The following ZNF540 variants were observed in gnomAD, a reference collection of about 807,000 sequenced individuals.
ZNF540 encodes the protein CTD-3064H18.6.
A neutral mutation model predicts 11.8 loss-of-function variants in ZNF540; 3 were observed. The ratio of observed to expected loss-of-function variants is 0.25; its 90% CI spans 0.12 to 0.65. ZNF540 has a LOEUF of 0.65. Among genes scored for constraint, ZNF540 ranks in the 30% least tolerant of loss-of-function variants. ZNF540 has a pLI of 0.83. For missense variants in ZNF540, 709 were observed against 793.1 expected (o/e 0.89, Z 1.27); for synonymous variants, 247 against 259.0 (o/e 0.95, Z 0.45).
rs374512088 is a variant in ZNF540 at position 37,612,716 on chromosome 19, G to A, written c.1436G>A (p.Arg479His). ...CKECGKTFRV[R>H]SQISLHKKIH... ...GAATGTGGGAAGACCTTTCGAGTTC[G>A]TTCTCAAATTAGTCTACATAAGAAA... Residue 479 changes from arginine to histidine, a missense_variant, in exon 5 of 5, where the codon CGT becomes CAT. By Grantham distance (29) the Arg-to-His change is conservative. Coordinates refer to ENST00000316433, the MANE Select transcript of ZNF540 (RefSeq NM_001172225.3). 26 of 1,613,950 alleles carry A rather than the reference G, an allele frequency of 1.6e-5. No homozygotes were observed. In the African/African-American group the frequency reaches 2.4e-4, roughly 15 times the overall value.
intron 1 of ZNF540, among the ~76,000 whole-genome samples, chr19:37,596,128 T>C (rs1315385503): frequency 6.6e-6 from 1 of 152,222 alleles, no homozygotes; most frequent in Non-Finnish European, 1.5e-5. Flanking sequence ...ACCAGGATGT[T>C]GACATTGATA....
At chr19:37,581,696 C>CA (rs1014195881) in intron 1 of ZNF540, among the ~76,000 whole-genome samples, 5 of 151,738 alleles carry the variant, frequency 3.3e-5, no homozygotes, top group African/African-American at 1.2e-4. Flanking sequence ...TTCCTGGGCT[C>CA]AAGCAATTCA....
chr19:37,583,843 T>C, intron 1 of ZNF540: 1 of 897,216 alleles, frequency 1.1e-6, no homozygotes, highest in East Asian at 2.5e-5. Context: ...AGGTACACGG[T>C]GGAGCTGTCC....
At chr19:37,568,743 A>G (rs1379159036) in intron 1 of ZNF540, among the ~76,000 whole-genome samples, 1 of 152,198 alleles carries the variant, frequency 6.6e-6, no homozygotes, top group African/African-American at 2.4e-5. Flanking sequence ...TTTTATTGTC[A>G]TTAAATTAAT....
intron 1 of ZNF540, among the ~76,000 whole-genome samples, chr19:37,554,322 C>G (rs998260257): frequency 1.3e-5 from 2 of 152,184 alleles, no homozygotes; most frequent in African/African-American, 4.8e-5. Flanking sequence ...AACACAATTT[C>G]TTTTTTCCCT....
chr19:37,612,785 A>G lies in ZNF540; in HGVS notation c.1505A>G (p.Lys502Arg), dbSNP rs1191454791. 1 of 1,614,102 alleles carries G rather than the reference A, an allele frequency of 6.2e-7. No individual in the cohort carries two copies. Among genetic ancestry groups the G allele is most frequent in the East Asian group, 2.2e-5 (1 of 44,874 alleles). ...CCCTACAAATGTGTACGATGTGGGA[A>G]GACCTTTAGATTTGGTTTCTACCTT... ...VKPYKCVRCGKTFRFGFYLTE... is the reference protein window; with the variant it reads ...VKPYKCVRCGRTFRFGFYLTE... The change falls in exon 5 of 5, where the codon AAG becomes AGG. Residue 502 changes from lysine (K) to arginine (R), a missense_variant. By Grantham distance (26) the Lys-to-Arg change is conservative (BLOSUM62 2). Coordinates refer to ENST00000316433, the MANE Select transcript of ZNF540 (RefSeq NM_001172225.3).
At chr19:37,593,157 T>A (rs1468161747), upstream of ZNF540, among the ~76,000 whole-genome samples, 1 of 152,148 alleles carries the variant, frequency 6.6e-6, no homozygotes, top group Non-Finnish European at 1.5e-5. Flanking sequence ...AACAGCATCA[T>A]GGTTATTTTA....
At chr19:37,551,644 T>C (rs532978743) in exon 1 of ZNF540, 13 of 152,478 alleles carry the variant, frequency 8.5e-5, no homozygotes, top group Admixed American at 2.0e-4. Context: ...TCCTTGAACG[T>C]TGTCCCGCCT....
intron 1 of ZNF540, chr19:37,564,775 A>T (rs776398246): frequency 3.1e-6 from 5 of 1,613,914 alleles, no homozygotes; most frequent in Non-Finnish European, 4.2e-6. Context: ...CTCCAGTATG[A>T]GTTCTCAGAT....
intron 1 of ZNF540, chr19:37,564,042 G>A (rs2042764951): frequency 1.3e-5 from 2 of 152,094 alleles, no homozygotes. Context: ...GTTTCTTCCT[G>A]GTGTGGATTA....
rs1274431739 is a variant in ZNF540, at chr19:37,577,037, A to G, written c.-72-21339A>G. Among the ~76,000 whole-genome samples, 2 of 152,206 alleles carry G rather than the reference A, an allele frequency of 1.3e-5. 1 individual carries two copies. Among genetic ancestry groups the G allele is most frequent in the African/African-American group, 4.8e-5 (2 of 41,456 alleles). ...AAGTATTTACATAAAACGTTAGGTC[A>G]TGGTGCAGCTTATAAAACAGAAATA... On this transcript the variant is annotated intron_variant, in intron 1 of 4. Transcript: ENST00000592533.
At chr19:37,557,887 G>A (rs930487289) in intron 1 of ZNF540, among the ~76,000 whole-genome samples, 3 of 151,318 alleles carry the variant, frequency 2.0e-5, no homozygotes, top group Admixed American at 6.6e-5. Context: ...TTGCTGTAGC[G>A]GCTACTGCTT....
At chr19:37,607,882 C>A (rs1381423858) in intron 4 of ZNF540, among the ~76,000 whole-genome samples, 2 of 152,202 alleles carry the variant, frequency 1.3e-5, no homozygotes, top group African/African-American at 2.4e-5. Flanking sequence ...AGGAAACTGA[C>A]AAAATGTTCT....
chr19:37,608,853 C>A (rs2044105029), intron 4 of ZNF540, among the ~76,000 whole-genome samples: 1 of 152,110 alleles, frequency 6.6e-6, no homozygotes, highest in Non-Finnish European at 1.5e-5. Context: ...GATCTATCTA[C>A]TTGAGAAAAT....
chr19:37,557,061 T>C (rs911713626), intron 1 of ZNF540, among the ~76,000 whole-genome samples: 1 of 152,172 alleles, frequency 6.6e-6, no homozygotes. Context: ...GAGTAAAAAC[T>C]TAACTACCAA....
At chr19:37,578,803 G>A (rs2043340242) in intron 1 of ZNF540, among the ~76,000 whole-genome samples, 1 of 152,048 alleles carries the variant, frequency 6.6e-6, no homozygotes, top group Admixed American at 6.5e-5. Context: ...CGCAGCAACC[G>A]CACCTCTGCA....
At chr19:37,602,652 AGAAG>A (rs2044048710) in intron 4 of ZNF540, among the ~76,000 whole-genome samples, 1 of 152,180 alleles carries the variant, frequency 6.6e-6, no homozygotes, top group Non-Finnish European at 1.5e-5. Flanking sequence ...CTCTATTCAG[AGAAG>A]GAAGAGGAGG....
intron 3 of ZNF540, among the ~76,000 whole-genome samples, chr19:37,600,686 T>C (rs1297242355): frequency 6.6e-6 from 1 of 152,086 alleles, no homozygotes; most frequent in East Asian, 1.9e-4. Context: ...GGTAGTAGAG[T>C]AGAATTTGGA....
Position 37,569,565 on chromosome 19 carries a change from A to AT in ZNF540, c.-73+17904dup, listed in dbSNP as rs1485675071. On this transcript the variant is annotated intron_variant, in intron 1 of 4. Coordinates refer to the ZNF540 transcript ENST00000592533. The surrounding 1 kb of genome is among the most constrained non-coding windows in gnomAD (Gnocchi z 4.4). ...ATGTATTATATATTCATATTTTGTT[A>AT]TTTTATCTCCTGTTTTATTAAAAAC... Among the ~76,000 whole-genome samples, 1 of 152,128 alleles carries AT rather than the reference A, an allele frequency of 6.6e-6. No homozygotes were observed. Among genetic ancestry groups the AT allele is most frequent in the African/African-American group, 2.4e-5 (1 of 41,412 alleles).
Sources: allele counts gnomAD v4.1 joint callset (sites outside exome capture counted in the v4.1 genomes callset), GRCh38; gene constraint gnomAD v4.1.1; non-coding constraint Gnocchi (gnomAD v3.1); transcripts MANE v1.5; gene names NCBI Gene and HGNC (gene_info 2026-07-23, HGNC 2026-07-21).